The following PTPRT variants were observed in gnomAD, a reference collection of about 807,000 sequenced individuals.
PTPRT encodes receptor-type tyrosine-protein phosphatase T.
PTPRT carries 56 observed loss-of-function variants against 176.8 expected under a neutral mutation model. The ratio of observed to expected loss-of-function variants is 0.32; its 90% CI spans 0.26 to 0.40. The LOEUF (loss-of-function observed/expected upper bound fraction) is 0.40, where lower values mean the gene tolerates loss of function less well. PTPRT is among the 10% of genes least tolerant of loss of function. PTPRT has a pLI of 1.00. For missense variants in PTPRT, 1,540 were observed against 1,908.2 expected, an observed-to-expected ratio of 0.81 and a Z score of 3.60; for synonymous variants, 783 against 739.0, an observed-to-expected ratio of 1.06 and a Z score of -0.96.
In PTPRT at chr20:43,032,690, C is replaced by T. The variant is rs184421131; in HGVS notation, c.89-146758G>A. 2.2e-3 allele frequency among the ~76,000 whole-genome samples: 336 copies of T among 152,222 alleles called. 1 individual carries two copies. The highest frequency in any genetic ancestry group is 7.8e-3 in the African/African-American group (324 of 41,532). ...CCCCGCAGAGCGTCAGGCCTGAGAT[C>T]AAAGCAGATCTGTGCATGTCATTAC... On this transcript the variant is annotated intron_variant, in intron 1 of 30. Coordinates refer to ENST00000373187, the MANE Select transcript of PTPRT (RefSeq NM_007050.6).
chr20:42,587,988 G>A (rs1467973955), intron 7 of PTPRT, among the ~76,000 whole-genome samples: 1 of 152,134 alleles, frequency 6.6e-6, no homozygotes, highest in East Asian at 1.9e-4. Flanking sequence ...TAAATTATAT[G>A]ATTGTAAAGT....
chr20:42,775,486 C>A (rs945576900), intron 4 of PTPRT, among the ~76,000 whole-genome samples: 6 of 152,160 alleles, frequency 3.9e-5, no homozygotes, highest in Non-Finnish European at 8.8e-5. Flanking sequence ...GTTATAACTG[C>A]CTTGGCCCTG....
At chr20:42,139,479 C>T (rs1255502728) in intron 18 of PTPRT, among the ~76,000 whole-genome samples, 1 of 152,136 alleles carries the variant, frequency 6.6e-6, no homozygotes, top group Non-Finnish European at 1.5e-5. Context: ...TTTTCAAGCC[C>T]ATTAGGACTG....
intron 7 of PTPRT, among the ~76,000 whole-genome samples, chr20:42,571,208 CAG>C (rs1182379315): frequency 6.6e-6 from 1 of 152,124 alleles, no homozygotes; most frequent in Admixed American, 6.6e-5. Flanking sequence ...AATAAGATGA[CAG>C]GGAAATAATA....
At chr20:42,392,637 CT>C (rs1201364669) in intron 9 of PTPRT, among the ~76,000 whole-genome samples, 1 of 152,202 alleles carries the variant, frequency 6.6e-6, no homozygotes, top group Non-Finnish European at 1.5e-5. Flanking sequence ...CTACCCCTAT[CT>C]TCAGAGATTT....
chr20:42,896,635 C>CAAA (rs58679220), intron 1 of PTPRT, among the ~76,000 whole-genome samples: 6 of 72,318 alleles, frequency 8.3e-5, no homozygotes, highest in South Asian at 4.7e-4. Flanking sequence ...AACTCCGTCT[C>CAAA]AAAAAAAAAA....
At chr20:42,847,566 A>G (rs558269128) in intron 2 of PTPRT, among the ~76,000 whole-genome samples, 11 of 152,302 alleles carry the variant, frequency 7.2e-5, no homozygotes, top group African/African-American at 2.6e-4. Flanking sequence ...TGCTCCATCC[A>G]TGGGCATCAA....
chr20:42,524,817 C>T (rs1455029147), intron 7 of PTPRT, among the ~76,000 whole-genome samples: 2 of 151,914 alleles, frequency 1.3e-5, no homozygotes, highest in Non-Finnish European at 2.9e-5. Flanking sequence ...TCTCTCTCTT[C>T]TTGGCTACAA....
chr20:42,315,004 G>A lies in PTPRT; in HGVS notation c.2139+719C>T, dbSNP rs372853337. Among the ~76,000 whole-genome samples, 5 of 152,122 alleles carry A rather than the reference G, an allele frequency of 3.3e-5. No homozygotes were observed. In the South Asian group the frequency reaches 1.0e-3, roughly 32 times the overall value. On this transcript the variant is annotated intron_variant, in intron 12 of 30. Transcript: ENST00000373187. ...TGTTTGAGATTGTTGAATGACCTTTGATATGCTTTCCAGCCCTGTGATTTT... is the reference window on the plus strand; with the variant it reads ...TGTTTGAGATTGTTGAATGACCTTTAATATGCTTTCCAGCCCTGTGATTTT...
intron 18 of PTPRT, among the ~76,000 whole-genome samples, chr20:42,129,772 T>A (rs1036523253): frequency 1.0e-3 from 154 of 152,372 alleles, no homozygotes; most frequent in African/African-American, 3.6e-3. Flanking sequence ...GATCAGCTTA[T>A]CTTCTTAGAA....
chr20:42,534,863 A>G (rs936573349), intron 7 of PTPRT, among the ~76,000 whole-genome samples: 1 of 152,238 alleles, frequency 6.6e-6, no homozygotes, highest in African/African-American at 2.4e-5. Flanking sequence ...ACATAAGGTG[A>G]CTGTGGGAAT....
rs974355128 is a variant in PTPRT, at chr20:42,411,795, A to G, written c.1560+36425T>C. On this transcript the variant is annotated intron_variant, in intron 9 of 30. Coordinates refer to ENST00000373187, the MANE Select transcript of PTPRT (RefSeq NM_007050.6). ...CAAGAATTAGGTAACGCATTTCACC[A>G]AGAAAAATCCATATGAAAACAGTTT... Among the ~76,000 whole-genome samples the G allele has an allele frequency of 2.0e-5, 3 of 152,132 alleles. No homozygotes were observed. The East Asian group carries it at 5.8e-4, about 29-fold the overall frequency.
intron 2 of PTPRT, among the ~76,000 whole-genome samples, chr20:42,817,727 C>A (rs941677409): frequency 1.3e-5 from 2 of 152,194 alleles, no homozygotes; most frequent in African/African-American, 4.8e-5. Flanking sequence ...GATTTGTCCC[C>A]ACAGCCCAAC....
At chr20:42,789,632 A>G (rs1338958278) in intron 3 of PTPRT, among the ~76,000 whole-genome samples, 2 of 152,216 alleles carry the variant, frequency 1.3e-5, no homozygotes, top group Non-Finnish European at 2.9e-5. Flanking sequence ...CACCATTACC[A>G]TCATCATCAC....
chr20:43,045,589 G>A (rs993391830), intron 1 of PTPRT, among the ~76,000 whole-genome samples: 13 of 150,158 alleles, frequency 8.7e-5, no homozygotes, highest in Non-Finnish European at 1.9e-4. Context: ...AAGTAGCTAG[G>A]ACTACAAGGC....
chr20:43,107,219 A>G (rs1253017866), intron 1 of PTPRT, among the ~76,000 whole-genome samples: 4 of 152,226 alleles, frequency 2.6e-5, no homozygotes, highest in Non-Finnish European at 5.9e-5. Flanking sequence ...AACAGAGTCA[A>G]ATAAGGAAGA....
chr20:42,433,959 C>T (rs2059238440), intron 9 of PTPRT, among the ~76,000 whole-genome samples: 1 of 152,030 alleles, frequency 6.6e-6, no homozygotes, highest in African/African-American at 2.4e-5. Context: ...TCAACACATC[C>T]CGAATAAAGT....
chr20:42,356,068 C>T (rs1349469257), intron 9 of PTPRT, among the ~76,000 whole-genome samples: 1 of 152,122 alleles, frequency 6.6e-6, no homozygotes, highest in African/African-American at 2.4e-5. Flanking sequence ...CAGAAACAGT[C>T]TTTGAAAAAT....
intron 27 of PTPRT, among the ~76,000 whole-genome samples, chr20:42,095,520 C>T (rs559566690): frequency 2.5e-4 from 38 of 152,322 alleles, no homozygotes; most frequent in African/African-American, 7.7e-4. Context: ...ACCTCCTTCA[C>T]GTCTGTGTTC....
Sources: allele counts gnomAD v4.1 joint callset (sites outside exome capture counted in the v4.1 genomes callset), GRCh38; gene constraint gnomAD v4.1.1; transcripts MANE v1.5; gene names NCBI Gene and HGNC (gene_info 2026-07-23, HGNC 2026-07-21).